Variants in AGAP1 observed in about 807,000 individuals in gnomAD.
AGAP1 encodes ArfGAP with GTPase domain, ankyrin repeat and PH domain 1, also known as arf-GAP with GTPase, ANK repeat and PH domain-containing protein 1.
In AGAP1, 29 loss-of-function variants were observed where a neutral mutation model predicts 105.3. The observed-to-expected ratio is 0.28, with a 90% CI of 0.21 to 0.38. AGAP1 has a LOEUF of 0.38. AGAP1 is among the 10% of genes least tolerant of loss of function. The pLI, the probability that AGAP1 is intolerant of heterozygous loss-of-function variation, is 1.00. For synonymous variants in AGAP1, 509 were observed against 485.9 expected, an observed-to-expected ratio of 1.05 and a Z score of -0.63; for missense variants, 998 against 1,165.1, an observed-to-expected ratio of 0.86 and a Z score of 2.09.
chr2:235,825,856 A>T (rs769478837), intron 9 of AGAP1, among the ~76,000 whole-genome samples: 2 of 152,218 alleles, frequency 1.3e-5, no homozygotes, highest in Non-Finnish European at 2.9e-5. Context: ...ATAACTTAAA[A>T]GAGTGTCATT....
At chr2:235,658,729 G>A (rs914093807) in intron 1 of AGAP1, among the ~76,000 whole-genome samples, 1 of 152,184 alleles carries the variant, frequency 6.6e-6, no homozygotes, top group Non-Finnish European at 1.5e-5. Context: ...GGACTTCCCT[G>A]GTGAGGGTGG....
intron 9 of AGAP1, among the ~76,000 whole-genome samples, chr2:235,821,264 A>G (rs1388944531): frequency 3.3e-5 from 5 of 152,268 alleles, no homozygotes; most frequent in Non-Finnish European, 7.3e-5. Flanking sequence ...GTGAAAGCAT[A>G]AAACATAAAA....
intron 1 of AGAP1, among the ~76,000 whole-genome samples, chr2:235,512,952 A>G (rs974275217): frequency 2.0e-5 from 3 of 152,218 alleles, no homozygotes; most frequent in African/African-American, 7.2e-5. Flanking sequence ...GGCCCTCTGC[A>G]CTTGAGATTC....
At chr2:235,533,276 C>T (rs1943104019) in intron 1 of AGAP1, among the ~76,000 whole-genome samples, 1 of 152,176 alleles carries the variant, frequency 6.6e-6, no homozygotes, top group African/African-American at 2.4e-5. Flanking sequence ...TTTTGACTTT[C>T]TTTTTTAAAA....
intron 13 of AGAP1, among the ~76,000 whole-genome samples, chr2:236,022,766 C>T (rs886488797): frequency 6.6e-6 from 1 of 152,178 alleles, no homozygotes; most frequent in African/African-American, 2.4e-5. Context: ...AACTCCTCAC[C>T]TCAAGGGATC....
chr2:236,103,381 G>C (rs527508246), intron 16 of AGAP1, among the ~76,000 whole-genome samples: 2 of 152,062 alleles, frequency 1.3e-5, no homozygotes, highest in African/African-American at 4.8e-5. Context: ...TGGGCTGGCT[G>C]GTCCTCATTT....
chr2:235,995,065 C>CAAAAAAAAAAAAAAAAAAAA, intron 13 of AGAP1, among the ~76,000 whole-genome samples: 1 of 60,944 alleles, frequency 1.6e-5, no homozygotes, highest in Non-Finnish European at 2.8e-5. Context: ...GACTCTGTCT[C>CAAAAAAAAAAAAAAAAAAAA]AAAAAAAAAA....
chr2:235,629,280 G>GTC (rs1334199080), intron 1 of AGAP1, among the ~76,000 whole-genome samples: 1 of 47,522 alleles, frequency 2.1e-5, no homozygotes, highest in Non-Finnish European at 5.2e-5. Flanking sequence ...GTGTGTGTGT[G>GTC]TGTGTGTGTG....
chr2:235,604,615 C>G (rs1945860047), intron 1 of AGAP1, among the ~76,000 whole-genome samples: 1 of 101,292 alleles, frequency 9.9e-6, no homozygotes, highest in Non-Finnish European at 1.8e-5. Context: ...TGGAGTCTCG[C>G]TCTGTTGCCC....
At chr2:235,542,222 G>T (rs553830774) in intron 1 of AGAP1, among the ~76,000 whole-genome samples, 6 of 151,388 alleles carry the variant, frequency 4.0e-5, no homozygotes, top group Non-Finnish European at 8.8e-5. Flanking sequence ...GGTCCCGGGG[G>T]GGGGCCAGTT....
chr2:235,495,907 A>G (rs1372106646), intron 1 of AGAP1, among the ~76,000 whole-genome samples: 1 of 152,168 alleles, frequency 6.6e-6, no homozygotes, highest in Non-Finnish European at 1.5e-5. Context: ...TCCATAATAC[A>G]GACTGGCCGG....
chr2:235,576,354 T>C (rs1944732305), intron 1 of AGAP1, among the ~76,000 whole-genome samples: 1 of 152,184 alleles, frequency 6.6e-6, no homozygotes, highest in East Asian at 1.9e-4. Flanking sequence ...AGCTAATGCA[T>C]TGATTATTTT....
intron 1 of AGAP1, among the ~76,000 whole-genome samples, chr2:235,646,300 TG>T (rs1022999609): frequency 6.6e-6 from 1 of 151,984 alleles, no homozygotes; most frequent in Non-Finnish European, 1.5e-5. Context: ...TTGTTTTGTT[TG>T]GTAAACAGAA....
rs182234930 is a variant in AGAP1, at chr2:235,687,722, G to A, written c.164-21457G>A. Among the ~76,000 whole-genome samples, 167 of 152,188 alleles carry A rather than the reference G, an allele frequency of 1.1e-3. 1 individual carries two copies. The highest frequency in any genetic ancestry group is 6.8e-3 in the Middle Eastern group (2 of 294). On this transcript the variant is annotated intron_variant, in intron 1 of 17. Coordinates refer to ENST00000304032, the MANE Select transcript of AGAP1 (RefSeq NM_001037131.3). ...CGTTCAGATCAGACTTATCTTCTTC[G>A]CAGGATGTGGCCAGAGATTTATTTA... is the stretch of plus-strand genomic sequence containing the variant.
In AGAP1 at chr2:235,967,280, G is replaced by A. The variant is rs930297519; in HGVS notation, c.1484-1182G>A. ...TTTTCAAGTCTTGATTCAGTGTCCC[G>A]TGCTCAGCGAGACCTACCCCAGCTA... On this transcript the variant is annotated intron_variant, in intron 12 of 17. Coordinates refer to ENST00000304032, the MANE Select transcript of AGAP1 (RefSeq NM_001037131.3). This position sits in a 1 kb window ranked among gnomAD's most constrained non-coding sequence, Gnocchi z 4.7. Among the ~76,000 whole-genome samples, 5 of 152,118 alleles carry A rather than the reference G, an allele frequency of 3.3e-5. No homozygotes were observed. The highest frequency in any genetic ancestry group is 3.4e-3 in the Middle Eastern group (1 of 294).
At chr2:236,070,533 G>A (rs903266838) in intron 16 of AGAP1, among the ~76,000 whole-genome samples, 3 of 152,180 alleles carry the variant, frequency 2.0e-5, no homozygotes, top group African/African-American at 7.2e-5. Flanking sequence ...CTACACAGTG[G>A]AAACAAACTA....
chr2:235,827,817 T>A (rs1310268387), intron 9 of AGAP1, among the ~76,000 whole-genome samples: 1 of 152,226 alleles, frequency 6.6e-6, no homozygotes, highest in Non-Finnish European at 1.5e-5. Flanking sequence ...GAGGGGTGTT[T>A]TCAGGGGTGG....
At chr2:236,088,763 C>T (rs547461683) in intron 16 of AGAP1, among the ~76,000 whole-genome samples, 1 of 152,190 alleles carries the variant, frequency 6.6e-6, no homozygotes, top group Non-Finnish European at 1.5e-5. Context: ...GTTTATGCCA[C>T]AATTGTAGCC....
At position 235,704,909 on chromosome 2, in the gene AGAP1, G is replaced by A. The variant is rs550711046; in HGVS notation, c.164-4270G>A. On this transcript the variant is annotated intron_variant, in intron 1 of 17. Transcript: ENST00000304032. ...GGTCGGCGAGCCCGGCACCTGTCTA[G>A]TTCTTGGGAAGGATCATTACTATCA... Among the ~76,000 whole-genome samples the A allele has an allele frequency of 4.1e-5, 6 of 145,876 alleles. No homozygotes were observed. In the East Asian group the frequency reaches 8.8e-4, roughly 21 times the overall value.
Sources: allele counts gnomAD v4.1 joint callset (sites outside exome capture counted in the v4.1 genomes callset), GRCh38; gene constraint gnomAD v4.1.1; non-coding constraint Gnocchi (gnomAD v3.1); transcripts MANE v1.5; gene names NCBI Gene and HGNC (gene_info 2026-07-23, HGNC 2026-07-21).